LRP1B: variants seen among roughly 807,000 people sequenced by gnomAD.
LRP1B encodes low-density lipoprotein receptor-related protein 1B.
A neutral mutation model predicts 556.6 loss-of-function variants in LRP1B; 217 were observed. The ratio of observed to expected loss-of-function variants is 0.39; its 90% confidence interval spans 0.35 to 0.44. LRP1B has a LOEUF of 0.44. Among genes scored for constraint, LRP1B ranks in the 20% least tolerant of loss-of-function variants. The pLI is 1.00. For synonymous variants in LRP1B, 2,047 were observed against 1,865.8 expected, an observed-to-expected ratio of 1.10 and a Z score of -2.50; for missense variants, 5,053 against 5,620.8, an observed-to-expected ratio of 0.90 and a Z score of 3.23.
chr2:141,816,352 G>C (rs773426225), intron 1 of LRP1B, among the ~76,000 whole-genome samples: 1 of 152,150 alleles, frequency 6.6e-6, no homozygotes, highest in Non-Finnish European at 1.5e-5. Flanking sequence ...AGCGTGGCTA[G>C]AATAAAAGCA....
chr2:141,475,397 C>A (rs1483536038), intron 3 of LRP1B, among the ~76,000 whole-genome samples: 2 of 152,010 alleles, frequency 1.3e-5, no homozygotes, highest in Admixed American at 6.6e-5. Context: ...CTTGGCACTA[C>A]AAATGTAATC....
In LRP1B at chr2:141,229,259, T is replaced by C. The variant is rs745505614; in HGVS notation, c.774A>G (p.Gln258=). The change falls in exon 6 of 91, where the codon CAA becomes CAG. Residue 258 remains glutamine (Q), a synonymous_variant. Transcript: ENST00000389484. ...CWIESRESSN[Q]LKCIQITKAG... ...CTTTTGTTATCTGGATACATTTGAG[T>C]TGATTTGAAGATTCTCTTGATTCAA... The C allele has an allele frequency of 1.2e-6, 2 of 1,611,668 alleles. No homozygotes were observed. The highest frequency in any genetic ancestry group is 1.7e-6 in the Non-Finnish European group (2 of 1,178,088).
intron 20 of LRP1B, among the ~76,000 whole-genome samples, chr2:140,927,659 G>T (rs1294645820): frequency 6.8e-6 from 1 of 146,448 alleles, no homozygotes; most frequent in African/African-American, 2.5e-5. Context: ...TTTATGAAAA[G>T]TTCAATACAT....
At chr2:140,819,322 T>G (rs549110416) in intron 31 of LRP1B, among the ~76,000 whole-genome samples, 1 of 152,318 alleles carries the variant, frequency 6.6e-6, no homozygotes, top group East Asian at 1.9e-4. Flanking sequence ...GATTATGTAC[T>G]TCATTCATAA....
intron 2 of LRP1B, among the ~76,000 whole-genome samples, chr2:141,610,326 A>ACTTTAAAACTTAAAGT (rs148561392): frequency 0.24 from 34,725 of 146,408 alleles, 4,650 homozygotes; most frequent in East Asian, 0.44. Context: ...AAAGTATAAT[A>ACTTTAAAACTTAAAGT]ATAATAATAA....
intron 7 of LRP1B, among the ~76,000 whole-genome samples, chr2:141,128,764 G>C (rs1466469881): frequency 6.6e-6 from 1 of 152,112 alleles, no homozygotes; most frequent in Non-Finnish European, 1.5e-5. Context: ...GGGATTACAG[G>C]CATGCGCCAC....
chr2:140,952,549 T>A (rs1008420498), intron 18 of LRP1B, among the ~76,000 whole-genome samples: 61 of 142,798 alleles, frequency 4.3e-4, no homozygotes, highest in African/African-American at 1.4e-3. Context: ...GAAAAAAAAA[T>A]AGCAAAGAAT....
intron 3 of LRP1B, among the ~76,000 whole-genome samples, chr2:141,382,535 A>G (rs76168394): frequency 0.054 from 8,254 of 152,282 alleles, 256 homozygotes; most frequent in South Asian, 0.08. Context: ...AGTCGGGGAC[A>G]TAACCTGCCA....
intron 3 of LRP1B, among the ~76,000 whole-genome samples, chr2:141,284,192 C>A (rs1315262782): frequency 6.6e-6 from 1 of 152,018 alleles, no homozygotes; most frequent in Non-Finnish European, 1.5e-5. Flanking sequence ...GGGACTAGCT[C>A]ACAGATGGAT....
intron 41 of LRP1B, among the ~76,000 whole-genome samples, chr2:140,658,466 T>A (rs113045330): frequency 0.061 from 9,222 of 152,084 alleles, 319 homozygotes; most frequent in Admixed American, 0.079. Flanking sequence ...TAAAAATGCA[T>A]CATTATTTAT....
intron 7 of LRP1B, among the ~76,000 whole-genome samples, chr2:141,137,434 C>A (rs1182278556): frequency 6.6e-6 from 1 of 151,566 alleles, no homozygotes; most frequent in Non-Finnish European, 1.5e-5. Context: ...TTCTTGCAGG[C>A]GAGATGTAAA....
rs1680857735 is a variant in LRP1B, at chr2:140,239,503, G to A, written c.13354C>T (p.Leu4452Phe). The change falls in exon 88 of 91, where the codon CTC becomes TTC. Residue 4452 changes from leucine (L) to phenylalanine (F), a missense_variant. This residue lies in a region of LRP1B where 551 missense variants were observed against 592.0 expected (regional missense o/e 0.93). Coordinates refer to ENST00000389484, the MANE Select transcript of LRP1B (RefSeq NM_018557.3). The stretch of plus-strand genomic sequence containing the variant: ...AAGGTGGTTATCAAAGTCACCAAGA[G>A]GACGAGAGGCACAATGATGGCAATG... ...RSIAIIVPLV[L>F]LVTLITTLVI... 4 of 1,603,384 alleles carry A rather than the reference G, an allele frequency of 2.5e-6. No individual in the cohort carries two copies. The African/African-American group carries it at 4.0e-5, about 16-fold the overall frequency.
chr2:141,435,442 C>G (rs34821217), intron 3 of LRP1B, among the ~76,000 whole-genome samples: 30,068 of 152,042 alleles, frequency 0.2, 3,649 homozygotes, highest in East Asian at 0.45. Flanking sequence ...TTTAATTGCT[C>G]TCCACCAAGA....
chr2:141,137,814 A>G (rs1701527033), intron 7 of LRP1B, among the ~76,000 whole-genome samples: 1 of 151,806 alleles, frequency 6.6e-6, no homozygotes, highest in African/African-American at 2.4e-5. Context: ...ATTCAATGGG[A>G]TATTTTATTA....
At chr2:142,091,827 T>A (rs1044762154) in intron 1 of LRP1B, among the ~76,000 whole-genome samples, 1 of 152,212 alleles carries the variant, frequency 6.6e-6, no homozygotes, top group Non-Finnish European at 1.5e-5. Context: ...CGGATGAGCA[T>A]GTGACCCAAT....
chr2:141,296,270 C>A (rs1686180061), intron 3 of LRP1B, among the ~76,000 whole-genome samples: 1 of 152,160 alleles, frequency 6.6e-6, no homozygotes. Flanking sequence ...TATCAAAATG[C>A]ATTCAGTATT....
At chr2:140,394,337 T>C (rs1684161226) in intron 66 of LRP1B, among the ~76,000 whole-genome samples, 1 of 152,064 alleles carries the variant, frequency 6.6e-6, no homozygotes. Flanking sequence ...GCACAGTTGG[T>C]CCATTGTAAT....
intron 17 of LRP1B, among the ~76,000 whole-genome samples, chr2:140,985,322 A>T (rs992170466): frequency 5.9e-5 from 9 of 151,280 alleles, no homozygotes; most frequent in African/African-American, 2.2e-4. Context: ...TGTAAAGAAA[A>T]GTCTAATTTT....
chr2:142,051,895 G>A (rs570866675), intron 1 of LRP1B, among the ~76,000 whole-genome samples: 2 of 152,148 alleles, frequency 1.3e-5, no homozygotes, highest in Non-Finnish European at 2.9e-5. Context: ...CATACTGGAA[G>A]ACAGTTCAAC....
Sources: allele counts gnomAD v4.1 joint callset (sites outside exome capture counted in the v4.1 genomes callset), GRCh38; gene constraint gnomAD v4.1.1; regional missense constraint gnomAD v4.1.1; transcripts MANE v1.5; gene names NCBI Gene and HGNC (gene_info 2026-07-23, HGNC 2026-07-21).